The following DGAT2L6 variants were observed in gnomAD, a reference collection of about 807,000 sequenced individuals.
DGAT2L6 encodes diacylglycerol O-acyltransferase 2-like protein 6.
In DGAT2L6, 22 loss-of-function variants were observed where a neutral mutation model predicts 25.5. The ratio of observed to expected loss-of-function variants is 0.86; its 90% CI spans 0.62 to 1.23. The LOEUF is 1.23. Ranked by LOEUF, DGAT2L6 falls within the 50% of genes most tolerant of loss-of-function variation. The probability of loss-of-function intolerance (pLI) is 0.00; values close to 1 mark genes in which losing one functional copy is unlikely to be tolerated. For synonymous variants in DGAT2L6, 100 were observed against 94.7 expected (o/e 1.06, Z -0.32); for missense variants, 287 against 253.2 (o/e 1.13, Z -0.91).
At chrX:70,177,702 G>A (rs1199510) in intron 1 of DGAT2L6, 35 bp downstream of exon 1, 59,617 of 1,133,081 alleles carry the variant, frequency 0.053, 2,889 homozygotes, top group African/African-American at 0.31. Context: ...AGCACATGGG[G>A]AACAAACCAA....
intron 1 of DGAT2L6, among the ~76,000 whole-genome samples, chrX:70,186,064 CT>C (rs1268892921): frequency 9.0e-6 from 1 of 111,657 alleles, no homozygotes; most frequent in Non-Finnish European, 1.9e-5. Context: ...ACATGCACAC[CT>C]TATAACTTCA....
intron 1 of DGAT2L6, among the ~76,000 whole-genome samples, chrX:70,182,878 G>A (rs1461119797): frequency 3.6e-5 from 4 of 111,713 alleles, no homozygotes; most frequent in Non-Finnish European, 7.5e-5. Flanking sequence ...GGATGGTCTC[G>A]ATCTCCTGAC....
intron 3 of DGAT2L6, 22 bp from the exon 4 acceptor site, chrX:70,200,233 T>G (rs372462075): frequency 1.7e-6 from 2 of 1,200,436 alleles, no homozygotes; most frequent in Non-Finnish European, 2.3e-6. Flanking sequence ...GCCAATGCTC[T>G]GACTCAATTT....
chrX:70,177,549 A>G lies in DGAT2L6; in HGVS notation c.-34A>G, dbSNP rs758908098. The G allele has an allele frequency of 2.5e-6, 3 of 1,177,523 alleles. No homozygotes were observed. In the South Asian group the frequency reaches 5.4e-5, roughly 21 times the overall value. The stretch of plus-strand genomic sequence containing the variant: ...CTTAAGAAGTTTTGACCTTCTGGTT[A>G]GGCTTCTTGCCACAACAGAACAGCA... On this transcript the variant is annotated 5_prime_UTR_variant, in exon 1 of 7. Coordinates refer to ENST00000333026, the MANE Select transcript of DGAT2L6 (RefSeq NM_198512.3).
At chrX:70,191,139 AAG>A (rs2085374431) in intron 1 of DGAT2L6, among the ~76,000 whole-genome samples, 1 of 112,606 alleles carries the variant, frequency 8.9e-6, no homozygotes, top group South Asian at 3.7e-4. Context: ...GACATCATGG[AAG>A]AAAACTAGTA....
chrX:70,181,099 G>C (rs773575132), intron 1 of DGAT2L6, among the ~76,000 whole-genome samples: 25 of 112,191 alleles, frequency 2.2e-4, no homozygotes, highest in African/African-American at 8.1e-4. Context: ...CAGTAATTCT[G>C]TTTTTATTTT....
chrX:70,199,180 C>T (rs1245727804), intron 1 of DGAT2L6, 91 bp from the exon 2 acceptor site: 1 of 544,274 alleles, frequency 1.8e-6, no homozygotes, highest in Non-Finnish European at 3.0e-6. Flanking sequence ...CCTAGCCCTG[C>T]TCCTGTAGTG....
At chrX:70,201,827 A>G (rs1361399890) in intron 4 of DGAT2L6, 63 bp from the exon 5 acceptor site, 2 of 1,060,568 alleles carry the variant, frequency 1.9e-6, no homozygotes, top group East Asian at 6.9e-5. Flanking sequence ...AGAGCCTGGG[A>G]AAACCCCTTA....
intron 1 of DGAT2L6, among the ~76,000 whole-genome samples, chrX:70,198,357 T>C (rs2085398206): frequency 8.9e-6 from 1 of 111,794 alleles, no homozygotes; most frequent in Admixed American, 9.5e-5. Context: ...TTTGTTGTTG[T>C]TGTTTTGTTT....
intron 5 of DGAT2L6, among the ~76,000 whole-genome samples, chrX:70,203,002 C>A (rs768056931): frequency 3.6e-5 from 4 of 112,080 alleles, no homozygotes; most frequent in Non-Finnish European, 5.6e-5. Flanking sequence ...GCAGGCCACC[C>A]GCTCCTGCTT....
At position 70,200,493 on chromosome X, in the gene DGAT2L6, A is replaced by G. The variant is rs1421091027; in HGVS notation, c.472+34A>G. 3 of 1,158,997 alleles carry G rather than the reference A, an allele frequency of 2.6e-6. No homozygotes were observed. The East Asian group carries it at 9.2e-5, about 35-fold the overall frequency. On this transcript the variant is annotated intron_variant, in intron 4 of 6. Coordinates refer to ENST00000333026, the MANE Select transcript of DGAT2L6 (RefSeq NM_198512.3). Reference sequence around the variant, plus strand: ...AAGAAATAATTAATTCTATTTTTTTACCTACTTCAAAGGTGCAACCCCAAT... The same window carrying G: ...AAGAAATAATTAATTCTATTTTTTTGCCTACTTCAAAGGTGCAACCCCAAT...
chrX:70,189,617 C>T (rs12687795), intron 1 of DGAT2L6, among the ~76,000 whole-genome samples: 14,746 of 110,924 alleles, frequency 0.13, 899 homozygotes, highest in Middle Eastern at 0.21. Flanking sequence ...GTAATAGTTT[C>T]GCATAAATAT....
At chrX:70,196,562 A>G (rs1009750196) in intron 1 of DGAT2L6, among the ~76,000 whole-genome samples, 2 of 109,665 alleles carry the variant, frequency 1.8e-5, no homozygotes, top group Non-Finnish European at 3.8e-5. Context: ...AATATAGGGG[A>G]AAAATCTTCA....
intron 1 of DGAT2L6, among the ~76,000 whole-genome samples, chrX:70,185,079 C>A (rs1347586549): frequency 9.0e-6 from 1 of 111,358 alleles, no homozygotes; most frequent in Non-Finnish European, 1.9e-5. Context: ...ACTGGCTATT[C>A]ATTTCCTTCA....
intron 1 of DGAT2L6, among the ~76,000 whole-genome samples, chrX:70,190,876 C>T (rs185312540): frequency 8.9e-5 from 10 of 112,300 alleles, no homozygotes; most frequent in Non-Finnish European, 1.7e-4. Flanking sequence ...GGAGGCACAC[C>T]TGTCCATGCC....
intron 1 of DGAT2L6, among the ~76,000 whole-genome samples, chrX:70,198,819 C>T (rs1480739677): frequency 5.4e-5 from 6 of 111,710 alleles, no homozygotes; most frequent in African/African-American, 2.0e-4. Context: ...GTTTTTAATC[C>T]GTGTTTACTT....
rs760451314 is a variant in DGAT2L6, at chrX:70,202,076, G to T, written c.647+12G>T. 1 of 1,171,550 alleles carries T rather than the reference G, an allele frequency of 8.5e-7. No homozygotes were observed. Among genetic ancestry groups the T allele is most frequent in the Non-Finnish European group, 1.1e-6 (1 of 875,468 alleles). ...GCACTGCAAACAGGGTGGGTTCCAA[G>T]GTTCTAGTGCTCTGTTGTCAGGGTG... On this transcript the variant is annotated intron_variant, in intron 5 of 6. Coordinates refer to ENST00000333026, the MANE Select transcript of DGAT2L6 (RefSeq NM_198512.3).
rs187167861 is a variant in DGAT2L6, at chrX:70,192,948, T to C, written c.86-6323T>C. Among the ~76,000 whole-genome samples the C allele has an allele frequency of 3.8e-3, 418 of 111,236 alleles. 3 individuals carry two copies. Among genetic ancestry groups the C allele is most frequent in the African/African-American group, 0.013 (399 of 30,597 alleles). The stretch of plus-strand genomic sequence containing the variant: ...AACAAATTGGATAACCTAGAAGAAA[T>C]GCATATGTTTCTAGACACATACAAC... On this transcript the variant is annotated intron_variant, in intron 1 of 6. Coordinates refer to ENST00000333026, the MANE Select transcript of DGAT2L6 (RefSeq NM_198512.3).
At chrX:70,191,000 C>G (rs867944584) in intron 1 of DGAT2L6, among the ~76,000 whole-genome samples, 1 of 112,084 alleles carries the variant, frequency 8.9e-6, no homozygotes, top group Non-Finnish European at 1.9e-5. Flanking sequence ...TGCCCAGGGA[C>G]CCACCCAGTG....
Sources: gnomAD v4.1 joint callset for allele counts (sites outside exome capture counted in the v4.1 genomes callset) on GRCh38, gnomAD v4.1.1 for gene constraint, MANE v1.5 for transcripts, NCBI Gene and HGNC (gene_info 2026-07-23, HGNC 2026-07-21) for gene names.